Variants in XPA observed in about 807,000 individuals in gnomAD.
The protein encoded by XPA is XPA, DNA damage recognition and repair factor.
Under a neutral mutation model 35.7 loss-of-function variants are expected in XPA, and 27 were observed. The ratio of observed to expected loss-of-function variants is 0.76; its 90% confidence interval spans 0.56 to 1.04. The LOEUF (loss-of-function observed/expected upper bound fraction) is 1.04. Among genes scored for constraint, XPA ranks in the 50% least tolerant of loss-of-function variants. The pLI is 0.00. For missense variants in XPA, 354 were observed against 342.7 expected, an observed-to-expected ratio of 1.03 and a Z score of -0.26; for synonymous variants, 133 against 118.4, an observed-to-expected ratio of 1.12 and a Z score of -0.80.
chr9:97,655,560 G>A, the XPA span: 3 of 583,620 alleles, frequency 5.1e-6, no homozygotes, highest in Non-Finnish European at 8.9e-6. Flanking sequence ...GTTGGCAGAA[G>A]ATACAACTGC....
At chr9:97,658,650 C>T in the XPA span, 1 of 1,610,084 alleles carries the variant, frequency 6.2e-7, no homozygotes, top group South Asian at 1.1e-5. Context: ...GTTGTCTTAC[C>T]ATCAGCGTAT....
the XPA span, chr9:97,658,601 G>T: frequency 6.7e-7 from 1 of 1,484,714 alleles, no homozygotes; most frequent in South Asian, 1.1e-5. Context: ...GAATGGGACT[G>T]ATAAAAGATA....
the XPA span, among the ~76,000 whole-genome samples, chr9:97,657,201 C>T: frequency 7.2e-5 from 11 of 152,222 alleles, 1 homozygote; most frequent in East Asian, 1.4e-3. Context: ...CTCCTGACCT[C>T]GTGATCCGCC....
chr9:97,677,082 T>TCATGTAAGACATCTGGC (rs1554699621), intron 5 of XPA, among the ~76,000 whole-genome samples: 9 of 151,930 alleles, frequency 5.9e-5, no homozygotes, highest in African/African-American at 1.2e-4. Context: ...AACTTGGTTC[T>TCATGTAAGACATCTGGC]CACCTTATCC....
downstream of XPA, chr9:97,671,002 TGGGTGG>T (rs558890078): frequency 1.6e-3 from 1,278 of 820,280 alleles, 26 homozygotes; most frequent in South Asian, 0.021. Context: ...TTCTGCAGCA[TGGGTGG>T]GCTGCTGAAG....
chr9:97,667,077 C>A, the XPA span, among the ~76,000 whole-genome samples: 1 of 152,182 alleles, frequency 6.6e-6, no homozygotes, highest in Non-Finnish European at 1.5e-5. Flanking sequence ...TGTTACACTG[C>A]ATGATGAACC....
chr9:97,694,946 C>T (rs1828997754), intron 1 of XPA, among the ~76,000 whole-genome samples: 1 of 152,178 alleles, frequency 6.6e-6, no homozygotes, highest in Admixed American at 6.5e-5. Flanking sequence ...ATGCACGCAA[C>T]AAAATGTGTG....
At chr9:97,671,235 T>A, downstream of XPA, 1 of 1,394,050 alleles carries the variant, frequency 7.2e-7, no homozygotes, top group Non-Finnish European at 1.0e-6. Flanking sequence ...TTTTTTTTGA[T>A]ATCTTAAAAT....
In XPA at chr9:97,683,161, A is replaced by C. The variant is rs1010780874; in HGVS notation, c.673+1762T>G. Reference sequence around the variant, plus strand: ...TTTAAGGAGGCAGCAAAGAGGTAAGAGTTGAGGTGATTTCAGGTAGCTGGA... The same window carrying C: ...TTTAAGGAGGCAGCAAAGAGGTAAGCGTTGAGGTGATTTCAGGTAGCTGGA... On this transcript the variant is annotated intron_variant, in intron 5 of 5. Coordinates refer to ENST00000375128, the MANE Select transcript of XPA (RefSeq NM_000380.4). Among the ~76,000 whole-genome samples, 63 of 152,206 alleles carry C rather than the reference A, an allele frequency of 4.1e-4. 1 individual carries two copies. The highest frequency in any genetic ancestry group is 4.1e-3 in the Admixed American group (62 of 15,270).
the XPA span, among the ~76,000 whole-genome samples, chr9:97,659,082 G>A: frequency 6.6e-6 from 1 of 152,204 alleles, no homozygotes; most frequent in African/African-American, 2.4e-5. Flanking sequence ...TTCAGGTGTG[G>A]TATTGAGAAC....
In XPA at chr9:97,684,820, A is replaced by G. The variant is rs377546259; in HGVS notation, c.673+103T>C. 11 of 1,057,778 alleles carry G rather than the reference A, an allele frequency of 1.0e-5. No individual in the cohort carries two copies. In the African/African-American group the frequency reaches 1.1e-4, roughly 11 times the overall value. The allele number at this position is 1,057,778 out of a possible 1,614,324, so 65.5% of individuals were successfully genotyped here. On this transcript the variant is annotated intron_variant, in intron 5 of 5. Transcript: ENST00000375128. ...TCATTTTTTTCAACCTCTAAAAAACACATTCCAATCTATTGGTGACATTAA... is the reference window on the plus strand; with the variant it reads ...TCATTTTTTTCAACCTCTAAAAAACGCATTCCAATCTATTGGTGACATTAA...
At chr9:97,669,022 T>G in the XPA span, 55 of 1,503,398 alleles carry the variant, frequency 3.7e-5, no homozygotes, top group Non-Finnish European at 4.6e-5. Context: ...AATACATTTC[T>G]TTAGTTTTAG....
Position 97,684,788 on chromosome 9 carries a change from CTG to C in XPA, c.673+133_673+134del, listed in dbSNP as rs373863986. 292 of 812,164 alleles carry C rather than the reference CTG, an allele frequency of 3.6e-4. 2 individuals are homozygous for C. The East Asian group carries it at 6.5e-3, about 18-fold the overall frequency. 50.3% of individuals were successfully genotyped at this position (812,164 alleles called of 1,614,324 possible). On this transcript the variant is annotated intron_variant, in intron 5 of 5. Coordinates refer to ENST00000375128, the MANE Select transcript of XPA (RefSeq NM_000380.4). Reference sequence around the variant, plus strand: ...TGAAGACCAACATACTGAGGGCAAACTGTAAGTCATTTTTTTCAACCTCTAAA... The same window carrying C: ...TGAAGACCAACATACTGAGGGCAAACTAAGTCATTTTTTTCAACCTCTAAA...
At chr9:97,679,067 C>G (rs1286652420) in intron 5 of XPA, among the ~76,000 whole-genome samples, 4 of 152,084 alleles carry the variant, frequency 2.6e-5, no homozygotes, top group Admixed American at 1.3e-4. Context: ...AACATTAGAT[C>G]AACTAACAAA....
downstream of XPA, chr9:97,670,954 C>T (rs1828171991): frequency 7.6e-6 from 4 of 524,678 alleles, no homozygotes; most frequent in Admixed American, 3.8e-5. Context: ...GTCCATTGTT[C>T]CTATCAGCAC....
chr9:97,694,911 C>A (rs1828996808), intron 1 of XPA, among the ~76,000 whole-genome samples: 1 of 152,192 alleles, frequency 6.6e-6, no homozygotes, highest in Non-Finnish European at 1.5e-5. Flanking sequence ...AGAATCTATA[C>A]AACATCTAAA....
intron 5 of XPA, chr9:97,682,181 G>A (rs761742505): frequency 2.3e-6 from 1 of 438,194 alleles, no homozygotes; most frequent in South Asian, 1.6e-5. Context: ...TCTCAAAGCA[G>A]GTAAATATAA....
intron 2 of XPA, among the ~76,000 whole-genome samples, chr9:97,690,384 TTTTTG>T (rs1057023613): frequency 1.8e-4 from 27 of 151,844 alleles, no homozygotes; most frequent in African/African-American, 4.6e-4. Flanking sequence ...ATAATTTTTG[TTTTTG>T]TTTTGTTTTG....
At chr9:97,671,615 A>G (rs910668113), downstream of XPA, 1 of 153,746 alleles carries the variant, frequency 6.5e-6, no homozygotes, top group African/African-American at 2.4e-5. Flanking sequence ...AAATAAAACT[A>G]AAAGTATGGT....
Sources: allele counts gnomAD v4.1 joint callset (sites outside exome capture counted in the v4.1 genomes callset), GRCh38; gene constraint gnomAD v4.1.1; transcripts MANE v1.5; gene names NCBI Gene and HGNC (gene_info 2026-07-23, HGNC 2026-07-21).